Variants in PID1 observed in about 807,000 individuals in gnomAD.
PID1 encodes the protein PTB-containing, cubilin and LRP1-interacting protein.
In PID1, 10 loss-of-function variants were observed where a neutral mutation model predicts 19.1. The observed-to-expected ratio is 0.52, with a 90% CI of 0.32 to 0.89. The LOEUF is 0.89. Among genes scored for constraint, PID1 ranks in the 40% least tolerant of loss-of-function variants. The pLI is 0.03. For synonymous variants in PID1, 130 were observed against 116.0 expected (o/e 1.12, Z -0.78); for missense variants, 248 against 285.3 (o/e 0.87, Z 0.94).
chr2:229,199,720 TTATATATA>T (rs55942947), intron 1 of PID1, among the ~76,000 whole-genome samples: 164 of 132,158 alleles, frequency 1.2e-3, no homozygotes, highest in Non-Finnish European at 2.2e-3. Context: ...AATATCTAAT[TTATATATA>T]TATATATATA....
At chr2:229,109,878 C>T (rs2536215) in intron 2 of PID1, among the ~76,000 whole-genome samples, 53,510 of 152,036 alleles carry the variant, frequency 0.35, 10,505 homozygotes, top group Middle Eastern at 0.52. Flanking sequence ...TCCCATATAA[C>T]AAACCACAGT....
chr2:229,028,945 T>C (rs938605822), intron 2 of PID1, among the ~76,000 whole-genome samples: 4 of 152,188 alleles, frequency 2.6e-5, no homozygotes, highest in Non-Finnish European at 5.9e-5. Context: ...ACTCAATTTA[T>C]ATACACTTAT....
intron 2 of PID1, among the ~76,000 whole-genome samples, chr2:229,102,531 C>T (rs986650347): frequency 2.6e-5 from 4 of 152,184 alleles, no homozygotes; most frequent in Admixed American, 2.6e-4. Flanking sequence ...TAGCTCAGAG[C>T]TTGCAGCTTT....
chr2:229,132,454 CT>C (rs1445063970), intron 2 of PID1, among the ~76,000 whole-genome samples: 4 of 152,216 alleles, frequency 2.6e-5, no homozygotes, highest in Non-Finnish European at 5.9e-5. Context: ...CTTTTCTGGC[CT>C]TGAAACTGGC....
chr2:229,200,616 GCTAC>G (rs1263291144), intron 1 of PID1, among the ~76,000 whole-genome samples: 1 of 151,966 alleles, frequency 6.6e-6, no homozygotes, highest in Non-Finnish European at 1.5e-5. Context: ...CTCCCACTAC[GCTAC>G]CTGTCTACCC....
At chr2:229,026,399 G>A (rs1470199312) in intron 2 of PID1, among the ~76,000 whole-genome samples, 1 of 152,130 alleles carries the variant, frequency 6.6e-6, no homozygotes, top group Admixed American at 6.5e-5. Context: ...CAATTAAAAC[G>A]AAGAGTATGA....
intron 1 of PID1, chr2:229,232,141 T>C: frequency 2.1e-6 from 3 of 1,450,588 alleles, no homozygotes; most frequent in Non-Finnish European, 2.7e-6. Context: ...AGGTCCCTCT[T>C]GGCCGGGTGC....
intron 1 of PID1, among the ~76,000 whole-genome samples, chr2:229,191,588 AG>A (rs1691261074): frequency 6.6e-6 from 1 of 152,178 alleles, no homozygotes; most frequent in South Asian, 2.1e-4. Context: ...TAAAAGAATT[AG>A]GGGTATTTTT....
chr2:229,212,244 G>C (rs1378136535), intron 1 of PID1, among the ~76,000 whole-genome samples: 1 of 152,142 alleles, frequency 6.6e-6, no homozygotes, highest in Non-Finnish European at 1.5e-5. Context: ...CCTTGAATCA[G>C]GCATCTAAAA....
chr2:229,057,556 G>A (rs977427588), intron 2 of PID1, among the ~76,000 whole-genome samples: 1 of 151,704 alleles, frequency 6.6e-6, no homozygotes, highest in Non-Finnish European at 1.5e-5. Context: ...AAACAGAATT[G>A]GAACTGAGTG....
At chr2:229,180,049 C>A (rs1444885434) in intron 1 of PID1, among the ~76,000 whole-genome samples, 1 of 152,168 alleles carries the variant, frequency 6.6e-6, no homozygotes, top group Non-Finnish European at 1.5e-5. Flanking sequence ...CGAATAAATG[C>A]CAATAATTAC....
chr2:229,054,351 TGAG>T (rs1210079491), intron 2 of PID1, among the ~76,000 whole-genome samples: 2 of 152,134 alleles, frequency 1.3e-5, no homozygotes, highest in South Asian at 2.1e-4. Context: ...GTTTGTGTTT[TGAG>T]GAGAAGCGGC....
intron 2 of PID1, among the ~76,000 whole-genome samples, chr2:229,133,615 C>T (rs1689789967): frequency 6.6e-6 from 1 of 152,136 alleles, no homozygotes; most frequent in East Asian, 1.9e-4. Context: ...TACAGGTTAC[C>T]TGAAAGTAAA....
chr2:229,212,854 T>G (rs765112321), intron 1 of PID1, among the ~76,000 whole-genome samples: 20 of 151,780 alleles, frequency 1.3e-4, no homozygotes, highest in Non-Finnish European at 2.1e-4. Flanking sequence ...ACCCCCAGAT[T>G]CCAGCCATTC....
At chr2:229,069,168 TGTGTGTGTGTGA>T (rs1694398762) in intron 2 of PID1, among the ~76,000 whole-genome samples, 1 of 151,626 alleles carries the variant, frequency 6.6e-6, no homozygotes, top group Non-Finnish European at 1.5e-5. Context: ...TGTGTGTGTG[TGTGTGTGTGTGA>T]GATGAGGGAG....
At chr2:229,258,169 G>C (rs1690354580) in intron 1 of PID1, among the ~76,000 whole-genome samples, 1 of 152,154 alleles carries the variant, frequency 6.6e-6, no homozygotes, top group African/African-American at 2.4e-5. Context: ...CAACATGCTA[G>C]AAACAGGAGA....
At chr2:229,151,640 G>A (rs1393475745) in intron 2 of PID1, among the ~76,000 whole-genome samples, 6 of 150,030 alleles carry the variant, frequency 4.0e-5, no homozygotes, top group Admixed American at 6.7e-5. Flanking sequence ...GCACGATCTC[G>A]GCTCACTGCA....
intron 2 of PID1, among the ~76,000 whole-genome samples, chr2:229,079,322 T>G (rs2106209284): frequency 6.6e-6 from 1 of 152,346 alleles, no homozygotes; most frequent in South Asian, 2.1e-4. Flanking sequence ...TTGTGTCTAC[T>G]TATCCTAATT....
intron 2 of PID1, among the ~76,000 whole-genome samples, chr2:229,073,228 T>C (rs1420793707): frequency 6.6e-6 from 1 of 152,168 alleles, no homozygotes; most frequent in Non-Finnish European, 1.5e-5. Context: ...GGTTTCACCA[T>C]GTTAGCCAGG....
Sources: gnomAD v4.1 joint callset for allele counts (sites outside exome capture counted in the v4.1 genomes callset) on GRCh38, gnomAD v4.1.1 for gene constraint, MANE v1.5 for transcripts, NCBI Gene and HGNC (gene_info 2026-07-23, HGNC 2026-07-21) for gene names.